CSMD1: variants seen among roughly 807,000 people sequenced by gnomAD.
CSMD1 encodes the protein CUB and Sushi multiple domains 1.
Under a neutral mutation model 417.5 loss-of-function variants are expected in CSMD1, and 213 were observed. The observed-to-expected ratio is 0.51, with a 90% CI of 0.46 to 0.57. The LOEUF (loss-of-function observed/expected upper bound fraction) is 0.57, where lower values mean the gene tolerates loss of function less well. CSMD1 is among the 20% of genes least tolerant of loss of function. CSMD1 has a pLI of 0.00. For missense variants in CSMD1, 6,923 were observed against 4,529.7 expected (o/e 1.53, Z -15.17); for synonymous variants, 2,862 against 1,736.8 (o/e 1.65, Z -16.11).
chr8:3,720,860 G>C (rs370297237), intron 6 of CSMD1, among the ~76,000 whole-genome samples: 1 of 151,916 alleles, frequency 6.6e-6, no homozygotes, highest in East Asian at 1.9e-4. Flanking sequence ...TGCCCAGGTT[G>C]AAGTGCAATG....
intron 1 of CSMD1, among the ~76,000 whole-genome samples, chr8:4,772,577 A>C (rs1355151532): frequency 6.6e-6 from 1 of 152,238 alleles, no homozygotes; most frequent in Non-Finnish European, 1.5e-5. Flanking sequence ...TGTATTGAAA[A>C]ATATCAAAGT....
At chr8:3,662,004 G>C (rs1303479311) in intron 7 of CSMD1, among the ~76,000 whole-genome samples, 1 of 152,198 alleles carries the variant, frequency 6.6e-6, no homozygotes, top group Non-Finnish European at 1.5e-5. Flanking sequence ...CGCAGACCTT[G>C]ATGGAAGAAG....
At chr8:3,631,985 A>C (rs1388296681) in intron 7 of CSMD1, among the ~76,000 whole-genome samples, 1 of 152,224 alleles carries the variant, frequency 6.6e-6, no homozygotes. Flanking sequence ...CACATTGTAC[A>C]CTTAGAAATT....
At chr8:4,962,973 C>G (rs73515825) in intron 1 of CSMD1, among the ~76,000 whole-genome samples, 2 of 152,032 alleles carry the variant, frequency 1.3e-5, no homozygotes, top group African/African-American at 4.8e-5. Flanking sequence ...GGAAAAGGAT[C>G]GAAGAATCTA....
intron 5 of CSMD1, among the ~76,000 whole-genome samples, chr8:3,927,842 G>C (rs1251239561): frequency 2.0e-5 from 3 of 152,060 alleles, no homozygotes; most frequent in African/African-American, 7.2e-5. Context: ...ATGTTTGGCA[G>C]ATACTTTTTT....
intron 4 of CSMD1, among the ~76,000 whole-genome samples, chr8:4,001,260 T>C (rs1469494982): frequency 6.6e-6 from 1 of 152,132 alleles, no homozygotes; most frequent in Non-Finnish European, 1.5e-5. Flanking sequence ...AGAAGTGAAT[T>C]TAAACCTATC....
chr8:3,925,354 T>G (rs946851536), intron 5 of CSMD1, among the ~76,000 whole-genome samples: 1 of 152,210 alleles, frequency 6.6e-6, no homozygotes, highest in Non-Finnish European at 1.5e-5. Context: ...CTATTTTAAT[T>G]AGAAATATTC....
intron 2 of CSMD1, among the ~76,000 whole-genome samples, chr8:4,467,386 T>A (rs538126312): frequency 5.9e-4 from 90 of 152,258 alleles, no homozygotes; most frequent in Non-Finnish European, 1.1e-3. Context: ...CCTCATTCCC[T>A]GCTCATCTCC....
chr8:3,464,644 T>C (rs775204779), intron 12 of CSMD1, among the ~76,000 whole-genome samples: 4 of 150,470 alleles, frequency 2.7e-5, no homozygotes, highest in Non-Finnish European at 5.9e-5. Context: ...AATCTATATA[T>C]ATAGCAAATT....
At chr8:4,981,998 C>G (rs1314085107) in intron 1 of CSMD1, among the ~76,000 whole-genome samples, 1 of 152,118 alleles carries the variant, frequency 6.6e-6, no homozygotes, top group Non-Finnish European at 1.5e-5. Flanking sequence ...TGGCCAAAAG[C>G]CAGCAAAAAA....
chr8:2,993,879 A>C (rs576531239), intron 54 of CSMD1, among the ~76,000 whole-genome samples: 124 of 152,018 alleles, frequency 8.2e-4, no homozygotes, highest in African/African-American at 2.8e-3. Context: ...TGAAAGTAAG[A>C]AAACAGGCTG....
intron 15 of CSMD1, among the ~76,000 whole-genome samples, chr8:3,400,808 T>G (rs923219130): frequency 1.3e-5 from 2 of 150,494 alleles, no homozygotes; most frequent in African/African-American, 4.9e-5. Context: ...TTTGATATAT[T>G]ATATATATAT....
Position 4,361,724 on chromosome 8 carries a change from A to T in CSMD1, c.415+58229T>A, listed in dbSNP as rs143499623. Among the ~76,000 whole-genome samples the T allele has an allele frequency of 5.4e-3, 824 of 151,748 alleles. 4 individuals carry two copies. Among genetic ancestry groups the T allele is most frequent in the African/African-American group, 0.019 (776 of 41,508 alleles). On this transcript the variant is annotated intron_variant, in intron 3 of 69. Transcript: ENST00000635120. ...TAATCCCAACACTTTGGGAGGCCGAAGTGGGCGGATCACGAGGTCAGGAGA... is the reference window on the plus strand; with the variant it reads ...TAATCCCAACACTTTGGGAGGCCGATGTGGGCGGATCACGAGGTCAGGAGA...
At chr8:3,354,460 AAAC>A (rs1808609622) in intron 21 of CSMD1, among the ~76,000 whole-genome samples, 1 of 152,094 alleles carries the variant, frequency 6.6e-6, no homozygotes, top group Non-Finnish European at 1.5e-5. Context: ...TAAGAAACAG[AAAC>A]AGAAAGTCTA....
intron 1 of CSMD1, among the ~76,000 whole-genome samples, chr8:4,889,636 C>G (rs559806212): frequency 9.9e-5 from 15 of 151,996 alleles, no homozygotes; most frequent in African/African-American, 3.6e-4. Context: ...TACTGGTAGC[C>G]ATAAGAGACT....
intron 1 of CSMD1, among the ~76,000 whole-genome samples, chr8:4,836,093 A>C (rs1800461184): frequency 6.6e-6 from 1 of 152,174 alleles, no homozygotes; most frequent in East Asian, 1.9e-4. Context: ...TAATGCAAGA[A>C]AAGATCAACT....
chr8:4,571,568 G>A (rs1008167299), intron 2 of CSMD1, among the ~76,000 whole-genome samples: 1 of 152,070 alleles, frequency 6.6e-6, no homozygotes, highest in African/African-American at 2.4e-5. Context: ...CCAATTATGT[G>A]GTCCATTTTA....
intron 1 of CSMD1, among the ~76,000 whole-genome samples, chr8:4,827,281 C>T (rs943528995): frequency 6.6e-6 from 1 of 152,038 alleles, no homozygotes; most frequent in Admixed American, 6.6e-5. Flanking sequence ...TACTTCATTA[C>T]TCATGTTTCA....
intron 1 of CSMD1, among the ~76,000 whole-genome samples, chr8:4,806,935 G>C (rs933745846): frequency 2.0e-5 from 3 of 152,102 alleles, no homozygotes; most frequent in Non-Finnish European, 2.9e-5. Flanking sequence ...GCGCTCTTAA[G>C]CTATTATTTA....
Sources: allele counts gnomAD v4.1 joint callset (sites outside exome capture counted in the v4.1 genomes callset), GRCh38; gene constraint gnomAD v4.1.1; transcripts MANE v1.5; gene names NCBI Gene and HGNC (gene_info 2026-07-23, HGNC 2026-07-21).